The following CD96 variants were observed in gnomAD, a reference collection of about 807,000 sequenced individuals.
CD96 encodes the protein CD96 molecule.
CD96 carries 70 observed loss-of-function variants against 71.3 expected under a neutral mutation model. The observed-to-expected ratio is 0.98, with a 90% CI of 0.81 to 1.20. The LOEUF is 1.20. CD96 is among the 50% of genes most tolerant of loss of function. The pLI, the probability that CD96 is intolerant of heterozygous loss-of-function variation, is 0.00. For synonymous variants in CD96, 248 were observed against 233.0 expected (o/e 1.06, Z -0.59); for missense variants, 742 against 677.5 (o/e 1.10, Z -1.06).
chr3:111,618,251 A>G (rs1938343746), intron 8 of CD96, among the ~76,000 whole-genome samples: 1 of 152,198 alleles, frequency 6.6e-6, no homozygotes, highest in Non-Finnish European at 1.5e-5. Flanking sequence ...CAGAAGTGTG[A>G]GCAATACTCA....
chr3:111,598,684 G>T (rs1576370565), intron 6 of CD96, among the ~76,000 whole-genome samples: 1 of 152,196 alleles, frequency 6.6e-6, no homozygotes, highest in African/African-American at 2.4e-5. Flanking sequence ...TGGAGCACTA[G>T]AGAAAGCCTA....
intron 2 of CD96, 83 bp from the exon 3 acceptor site, chr3:111,567,440 A>G: frequency 8.6e-7 from 1 of 1,157,236 alleles, no homozygotes; most frequent in East Asian, 2.4e-5. Context: ...CCCTATACTA[A>G]AACTGTTTTT....
chr3:111,574,299 T>C (rs1282072186), intron 3 of CD96, among the ~76,000 whole-genome samples: 1 of 152,196 alleles, frequency 6.6e-6, no homozygotes, highest in Non-Finnish European at 1.5e-5. Context: ...ATCTGAAACT[T>C]TTTTAGCGCA....
chr3:111,571,850 A>G (rs1249070246), intron 3 of CD96, among the ~76,000 whole-genome samples: 1 of 152,234 alleles, frequency 6.6e-6, no homozygotes, highest in East Asian at 1.9e-4. Flanking sequence ...TATAAAGTAG[A>G]TTACATAGGG....
chr3:111,618,038 G>A (rs1938331716), intron 8 of CD96, among the ~76,000 whole-genome samples: 1 of 152,238 alleles, frequency 6.6e-6, no homozygotes, highest in Admixed American at 6.5e-5. Flanking sequence ...ATCACACAGA[G>A]TCGGCACCCA....
intron 8 of CD96, among the ~76,000 whole-genome samples, chr3:111,616,034 A>G (rs987054736): frequency 6.6e-6 from 1 of 152,172 alleles, no homozygotes; most frequent in African/African-American, 2.4e-5. Flanking sequence ...GAGGTACTCC[A>G]TGACCATCAT....
chr3:111,622,850 A>G (rs879430227), intron 8 of CD96, among the ~76,000 whole-genome samples: 29 of 152,220 alleles, frequency 1.9e-4, no homozygotes, highest in South Asian at 6.2e-4. Context: ...CACATAACCT[A>G]TACTCTTTAT....
At chr3:111,663,646 A>G (rs1940407883) in intron 14 of CD96, among the ~76,000 whole-genome samples, 1 of 152,166 alleles carries the variant, frequency 6.6e-6, no homozygotes, top group Admixed American at 6.5e-5. Context: ...AGAAACACAA[A>G]CCAAAATCAC....
chr3:111,661,310 G>T (rs138814177), intron 14 of CD96, among the ~76,000 whole-genome samples: 1 of 152,174 alleles, frequency 6.6e-6, no homozygotes, highest in Non-Finnish European at 1.5e-5. Context: ...ATGAGATTTA[G>T]ATGGGGACAC....
chr3:111,582,775 T>G (rs1378286013), intron 4 of CD96, among the ~76,000 whole-genome samples: 1 of 152,172 alleles, frequency 6.6e-6, no homozygotes, highest in African/African-American at 2.4e-5. Flanking sequence ...TCATGAGACT[T>G]ATTCACTATA....
At chr3:111,600,983 T>C (rs1020511955) in intron 7 of CD96, 69 bp downstream of exon 7, 6 of 984,754 alleles carry the variant, frequency 6.1e-6, no homozygotes, top group Non-Finnish European at 9.7e-6. Flanking sequence ...ATATCTTTAA[T>C]GGGAAGATTA....
intron 12 of CD96, among the ~76,000 whole-genome samples, chr3:111,641,052 C>T (rs973243552): frequency 6.6e-6 from 1 of 152,098 alleles, no homozygotes; most frequent in Admixed American, 6.6e-5. Flanking sequence ...TCACACAGGA[C>T]CTATGAAACA....
At chr3:111,643,735 C>CAAAA (rs56078551) in intron 12 of CD96, among the ~76,000 whole-genome samples, 5 of 128,232 alleles carry the variant, frequency 3.9e-5, no homozygotes, top group East Asian at 2.2e-4. Context: ...ACAATAGCTG[C>CAAAA]AAAAAAAAAA....
At chr3:111,649,612 T>G in intron 13 of CD96, 86 bp from the exon 14 acceptor site, 2 of 885,720 alleles carry the variant, frequency 2.3e-6, no homozygotes, top group South Asian at 2.6e-5. Flanking sequence ...TGTGTTCTCC[T>G]TTAAAGAAAC....
At chr3:111,546,100 A>T (rs79151178) in intron 2 of CD96, among the ~76,000 whole-genome samples, 11 of 152,336 alleles carry the variant, frequency 7.2e-5, no homozygotes, top group African/African-American at 2.4e-4. Flanking sequence ...GTAGCCCAGA[A>T]AAGAGAGAGT....
chr3:111,627,682 A>T (rs1938843947), intron 10 of CD96, among the ~76,000 whole-genome samples: 1 of 152,228 alleles, frequency 6.6e-6, no homozygotes, highest in Non-Finnish European at 1.5e-5. Flanking sequence ...CAGGTCCCTG[A>T]TTCCATTCCT....
intron 5 of CD96, 77 bp from the exon 6 acceptor site, chr3:111,598,043 T>C (rs1937335925): frequency 3.9e-6 from 3 of 770,460 alleles, no homozygotes; most frequent in Non-Finnish European, 7.1e-6. Flanking sequence ...TGCCAACTTA[T>C]ATGAATGTTA....
At chr3:111,655,122 T>C (rs1233817026), downstream of CD96, among the ~76,000 whole-genome samples, 1 of 152,206 alleles carries the variant, frequency 6.6e-6, no homozygotes, top group African/African-American at 2.4e-5. Context: ...GATAATTGGG[T>C]TGCATTGGAT....
At chr3:111,642,222 G>A (rs960102666) in intron 12 of CD96, among the ~76,000 whole-genome samples, 1 of 152,024 alleles carries the variant, frequency 6.6e-6, no homozygotes, top group African/African-American at 2.4e-5. Context: ...TCTTTGAAAA[G>A]GTAAATAAAA....
Sources: allele counts gnomAD v4.1 joint callset (sites outside exome capture counted in the v4.1 genomes callset), GRCh38; gene constraint gnomAD v4.1.1; transcripts MANE v1.5; gene names NCBI Gene and HGNC (gene_info 2026-07-23, HGNC 2026-07-21).